LTBP4: variants seen among roughly 807,000 people sequenced by gnomAD.
The protein encoded by LTBP4 is latent-transforming growth factor beta-binding protein 4.
A neutral mutation model predicts 180.2 loss-of-function variants in LTBP4; 93 were observed. That is an observed-to-expected ratio of 0.52 (90% confidence interval 0.44 to 0.61). LTBP4 has a LOEUF of 0.61. LTBP4 is among the 20% of genes least tolerant of loss of function. LTBP4 has a pLI of 0.00. For synonymous variants in LTBP4, 947 were observed against 934.5 expected (o/e 1.01, Z -0.24); for missense variants, 2,116 against 2,256.5 (o/e 0.94, Z 1.26).
At chr19:40,621,030 C>G (rs1042840385) in intron 22 of LTBP4, among the ~76,000 whole-genome samples, 2 of 151,926 alleles carry the variant, frequency 1.3e-5, no homozygotes, top group Non-Finnish European at 2.9e-5. Context: ...TAACCTCCAC[C>G]TCCCTGGTTC....
chr19:40,599,831 C>T (rs1033369853), upstream of LTBP4: 2 of 564,850 alleles, frequency 3.5e-6, no homozygotes, highest in South Asian at 4.9e-5. Flanking sequence ...CACTGCCTGC[C>T]TCTATGTCTA....
chr19:40,617,076 G>T (rs374554248), intron 20 of LTBP4, 24 bp from the exon 21 acceptor site: 217 of 1,613,912 alleles, frequency 1.3e-4, no homozygotes, highest in Non-Finnish European at 1.8e-4. Context: ...GTCCAGAAAT[G>T]GCCTGACTGT....
upstream of LTBP4, among the ~76,000 whole-genome samples, chr19:40,597,846 C>T (rs1044406721): frequency 1.3e-5 from 2 of 151,650 alleles, no homozygotes; most frequent in African/African-American, 4.9e-5. Flanking sequence ...TGAAAAGCGA[C>T]CTTTGGGTTT....
intron 22 of LTBP4, among the ~76,000 whole-genome samples, chr19:40,621,862 C>T (rs989059844): frequency 2.6e-5 from 4 of 152,288 alleles, no homozygotes; most frequent in Non-Finnish European, 5.9e-5. Flanking sequence ...ATTCTCCTGC[C>T]TCAGCCTCCC....
At chr19:40,602,696 G>T (rs1231633803) in intron 1 of LTBP4, among the ~76,000 whole-genome samples, 2 of 152,190 alleles carry the variant, frequency 1.3e-5, no homozygotes, top group Non-Finnish European at 2.9e-5. Flanking sequence ...TGAAGTGGGG[G>T]CTGACCTCAA....
In LTBP4 at chr19:40,613,512, G is replaced by A; in HGVS notation, c.2540G>A (p.Arg847His). Residue 847 changes from arginine to histidine, a missense_variant, in exon 17 of 30, where the codon CGC becomes CAC. Physicochemically the swap from Arg to His is conservative, Grantham distance 29. This residue lies in a region of LTBP4 where 877 missense variants were observed against 873.6 expected (regional missense o/e 1.00). Transcript: ENST00000396819. The surrounding 1 kb of genome is among the most constrained non-coding windows in gnomAD (Gnocchi z 5.0). ...TCAPGYRPGP[R>H]GASCLDVDEC... ...GCCCCTGGCTACCGACCCGGACCCCGCGGAGCCTCTTGCCTCGGTTCGTAC... is the reference window on the plus strand; with the variant it reads ...GCCCCTGGCTACCGACCCGGACCCCACGGAGCCTCTTGCCTCGGTTCGTAC... 1 of 1,572,730 alleles carries A rather than the reference G, an allele frequency of 6.4e-7. No individual in the cohort carries two copies. Among genetic ancestry groups the A allele is most frequent in the Non-Finnish European group, 8.6e-7 (1 of 1,160,048 alleles).
intron 22 of LTBP4, among the ~76,000 whole-genome samples, chr19:40,621,663 A>C (rs1470533541): frequency 3.3e-5 from 5 of 151,454 alleles, no homozygotes; most frequent in African/African-American, 9.7e-5. Flanking sequence ...GGGGAGGAGA[A>C]GGTGGTGGGA....
intron 26 of LTBP4, among the ~76,000 whole-genome samples, chr19:40,625,278 A>T (rs369755708): frequency 3.8e-3 from 19 of 4,992 alleles, no homozygotes; most frequent in South Asian, 0.013. Context: ...ATATATATAT[A>T]TATATATATA....
rs745331733 is a variant in LTBP4, at chr19:40,613,140, G to C, written c.2375G>C (p.Arg792Pro). Residue 792 changes from arginine to proline, a missense_variant, in exon 16 of 30, where the codon CGC becomes CCC. Physicochemically the swap from Arg to Pro is moderately radical, Grantham distance 103. This residue lies in a region of LTBP4 where 877 missense variants were observed against 873.6 expected (regional missense o/e 1.00). Transcript: ENST00000396819. The surrounding 1 kb of genome is among the most constrained non-coding windows in gnomAD (Gnocchi z 5.0). ...TGCACTAACACCGAAGGCTCCTTCC[G>C]CTGCAGCTGCGCGCCAGGCTACCGG... is the stretch of plus-strand genomic sequence containing the variant. ...GHCTNTEGSF[R>P]CSCAPGYRAP... 1.9e-6 allele frequency: 3 copies of C among 1,598,264 alleles called. No individual in the cohort carries two copies. In the East Asian group the frequency reaches 6.9e-5, roughly 37 times the overall value.
chr19:40,625,534 T>C (rs1406707432), intron 26 of LTBP4, among the ~76,000 whole-genome samples: 1 of 151,684 alleles, frequency 6.6e-6, no homozygotes, highest in Non-Finnish European at 1.5e-5. Flanking sequence ...CAGTGAGATG[T>C]CAGACAATGC....
chr19:40,607,391 G>A lies in LTBP4; in HGVS notation c.1018G>A (p.Gly340Arg), dbSNP rs1422064033. ...ISQHVISEAKGPCFRVLRDGG... is the reference protein window; with the variant it reads ...ISQHVISEAKRPCFRVLRDGG... ...CCAACACGTGATCTCAGAGGCCAAAGGGCCCTGCTTCCGCGTGCTCCGCGA... is the reference window on the plus strand; with the variant it reads ...CCAACACGTGATCTCAGAGGCCAAAAGGCCCTGCTTCCGCGTGCTCCGCGA... The change falls in exon 7 of 30, where the codon GGG (glycine) becomes AGG (arginine). Residue 340 changes from glycine to arginine, a missense_variant. Gly to Arg is a moderately radical substitution (Grantham distance 125). Around this residue, in one of 5 missense-constraint regions of LTBP4, gnomAD observed 469 missense variants for 532.5 expected, o/e 0.88. Transcript: ENST00000396819. 6.2e-7 allele frequency: 1 copy of A among 1,612,524 alleles called. No homozygotes were observed. Among genetic ancestry groups the A allele is most frequent in the South Asian group, 1.1e-5 (1 of 90,844 alleles).
At chr19:40,616,292 T>TAAAAAAA (rs72117985) in intron 19 of LTBP4, among the ~76,000 whole-genome samples, 136 of 136,462 alleles carry the variant, frequency 1.0e-3, no homozygotes, top group African/African-American at 3.7e-3. Flanking sequence ...AGACCCCATT[T>TAAAAAAA]AAAAAAAAGA....
chr19:40,629,543 G>A lies in LTBP4; in HGVS notation c.4667G>A (p.Arg1556Gln), dbSNP rs1186626595. The A allele has an allele frequency of 2.0e-6, 3 of 1,481,632 alleles. No individual in the cohort carries two copies. Among genetic ancestry groups the A allele is most frequent in the South Asian group, 1.3e-5 (1 of 74,722 alleles). 91.8% of individuals were successfully genotyped at this position (1,481,632 alleles called of 1,614,324 possible). The change falls in exon 30 of 30, where the codon CGG becomes CAG. Residue 1556 changes from arginine to glutamine, a missense_variant. Arg to Gln is a conservative substitution (Grantham distance 43). Transcript: ENST00000396819. The surrounding 1 kb of genome is among the most constrained non-coding windows in gnomAD (Gnocchi z 4.5). ...CACCACTGTGCGCCCGCACGGCCCC[G>A]GGCCTGAGCCCTGGCACCCGCTGGC... ...QPHHCAPARP[R>Q]A
chr19:40,600,158 C>A, upstream of LTBP4: 1 of 1,255,588 alleles, frequency 8.0e-7, no homozygotes, highest in Non-Finnish European at 1.0e-6. This position sits in a 1 kb window ranked among gnomAD's most constrained non-coding sequence, Gnocchi z 4.4. Flanking sequence ...CACAGCGTGC[C>A]CCCGCTGGCA....
At position 40,612,234 on chromosome 19, in the gene LTBP4, AC is replaced by A. The variant is rs772657123; in HGVS notation, c.2299+47del. ...GCTGTGACCTTGGGCCTGCATCATG[AC>A]CCCCGACCCTTGACCCAGATCACAA... On this transcript the variant is annotated intron_variant, in intron 15 of 29. Coordinates refer to ENST00000396819, the MANE Select transcript of LTBP4 (RefSeq NM_001042545.2). The A allele has an allele frequency of 3.3e-4, 516 of 1,540,488 alleles. 3 individuals are homozygous for A. Among genetic ancestry groups the A allele is most frequent in the Non-Finnish European group, 2.2e-4 (249 of 1,142,652 alleles).
rs372512908 is a variant in LTBP4, at chr19:40,609,553, C to T, written c.1450C>T (p.Arg484Cys). 6.6e-5 allele frequency: 107 copies of T among 1,613,194 alleles called. No individual in the cohort carries two copies. The highest frequency in any genetic ancestry group is 8.9e-5 in the Non-Finnish European group (105 of 1,179,788). The change falls in exon 10 of 30, where the codon CGC (arginine) becomes TGC (cysteine). Residue 484 changes from arginine to cysteine, a missense_variant. Coordinates refer to ENST00000396819, the MANE Select transcript of LTBP4 (RefSeq NM_001042545.2). The surrounding 1 kb of genome is among the most constrained non-coding windows in gnomAD (Gnocchi z 4.9). ...ESGPSSGMCQRNPQVCGPGRC... is the reference protein window; with the variant it reads ...ESGPSSGMCQCNPQVCGPGRC... ...AGGTCCCTCCTCCGGCATGTGTCAG[C>T]GCAACCCCCAGGTCTGCGGCCCAGG... is the stretch of plus-strand genomic sequence containing the variant.
At chr19:40,628,797 C>T (rs1358013339) in intron 29 of LTBP4, among the ~76,000 whole-genome samples, 1 of 152,068 alleles carries the variant, frequency 6.6e-6, no homozygotes. Context: ...GTGCTTAAAA[C>T]AATGCATGAA....
chr19:40,625,255 TATATATA>T (rs1568414239), intron 26 of LTBP4, among the ~76,000 whole-genome samples: 23 of 1,912 alleles, frequency 0.012, 1 homozygote, highest in African/African-American at 0.017. Flanking sequence ...TTTGTATTTA[TATATATA>T]TATATATATA....
At chr19:40,614,962 C>A (rs2081536564) in intron 19 of LTBP4, among the ~76,000 whole-genome samples, 1 of 152,172 alleles carries the variant, frequency 6.6e-6, no homozygotes, top group South Asian at 2.1e-4. Context: ...TAAGCTCTGC[C>A]CTTCCTTGGT....
Sources: gnomAD v4.1 joint callset for allele counts (sites outside exome capture counted in the v4.1 genomes callset) on GRCh38, gnomAD v4.1.1 for gene constraint, gnomAD v4.1.1 regional missense constraint, Gnocchi (gnomAD v3.1) non-coding constraint, MANE v1.5 for transcripts, NCBI Gene and HGNC (gene_info 2026-07-23, HGNC 2026-07-21) for gene names.